SDK1: variants seen among roughly 807,000 people sequenced by gnomAD.
SDK1 encodes the protein protein sidekick-1.
A neutral mutation model predicts 245.5 loss-of-function variants in SDK1; 157 were observed. The ratio of observed to expected loss-of-function variants is 0.64; its 90% CI spans 0.56 to 0.73. SDK1 has a LOEUF of 0.73. Ranked by LOEUF, SDK1 falls within the 30% of genes least tolerant of loss-of-function variation. The pLI is 0.00. For missense variants in SDK1, 3,583 were observed against 3,002.3 expected (o/e 1.19, Z -4.52); for synonymous variants, 1,647 against 1,278.5 (o/e 1.29, Z -6.15).
At chr7:3,813,177 T>C (rs1196999831) in intron 4 of SDK1, among the ~76,000 whole-genome samples, 1 of 150,356 alleles carries the variant, frequency 6.7e-6, no homozygotes, top group African/African-American at 2.4e-5. Context: ...TAGTTACATA[T>C]GTATACATGT....
At chr7:3,781,643 T>C (rs1562439247) in intron 4 of SDK1, among the ~76,000 whole-genome samples, 1 of 152,076 alleles carries the variant, frequency 6.6e-6, no homozygotes, top group Non-Finnish European at 1.5e-5. Flanking sequence ...TTCAGTGAAC[T>C]ACAAGAATCT....
chr7:3,400,690 A>G (rs554086491), intron 1 of SDK1, among the ~76,000 whole-genome samples: 2 of 152,300 alleles, frequency 1.3e-5, no homozygotes, highest in South Asian at 4.1e-4. Context: ...ATGTGTCATA[A>G]TTAAGGTCCA....
At chr7:3,426,975 G>C (rs1219150008) in intron 1 of SDK1, among the ~76,000 whole-genome samples, 2 of 152,148 alleles carry the variant, frequency 1.3e-5, no homozygotes, top group African/African-American at 4.8e-5. Flanking sequence ...TCTCTCATCA[G>C]ATACTTTATG....
At chr7:4,220,884 C>T (rs1378124687) in intron 39 of SDK1, among the ~76,000 whole-genome samples, 1 of 133,612 alleles carries the variant, frequency 7.5e-6, no homozygotes, top group Non-Finnish European at 1.6e-5. Flanking sequence ...GCGATACCCC[C>T]ACCCCCCACC....
intron 1 of SDK1, among the ~76,000 whole-genome samples, chr7:3,394,389 T>C (rs1196122834): frequency 2.0e-5 from 3 of 152,186 alleles, no homozygotes; most frequent in African/African-American, 7.2e-5. Flanking sequence ...TTATGTGCCA[T>C]TGATCAATGA....
chr7:3,806,433 T>C (rs933747052), intron 4 of SDK1, among the ~76,000 whole-genome samples: 1 of 152,240 alleles, frequency 6.6e-6, no homozygotes, highest in Non-Finnish European at 1.5e-5. Context: ...AGAAGGCTCA[T>C]GTGACCCAAC....
intron 42 of SDK1, among the ~76,000 whole-genome samples, chr7:4,240,800 T>A (rs1481709248): frequency 6.6e-6 from 1 of 152,104 alleles, no homozygotes; most frequent in Admixed American, 6.5e-5. Context: ...TCAGGGCGTT[T>A]GAGCTGTGAT....
intron 1 of SDK1, among the ~76,000 whole-genome samples, chr7:3,407,036 A>G (rs887335093): frequency 6.6e-6 from 1 of 152,182 alleles, no homozygotes; most frequent in Admixed American, 6.5e-5. Flanking sequence ...GCTAGAGGAA[A>G]GGGCAGAGAT....
intron 40 of SDK1, among the ~76,000 whole-genome samples, chr7:4,223,582 G>T (rs963223641): frequency 5.9e-5 from 9 of 152,228 alleles, no homozygotes; most frequent in Non-Finnish European, 1.0e-4. Context: ...CTCCCTGTAT[G>T]TGTGTCTGCA....
At chr7:4,148,342 G>C (rs923419006) in intron 29 of SDK1, among the ~76,000 whole-genome samples, 1 of 152,280 alleles carries the variant, frequency 6.6e-6, no homozygotes, top group African/African-American at 2.4e-5. Context: ...TATTCCTTCC[G>C]CCGCGGAACT....
At chr7:3,705,581 A>C (rs917279548) in intron 4 of SDK1, among the ~76,000 whole-genome samples, 4 of 151,888 alleles carry the variant, frequency 2.6e-5, no homozygotes. Context: ...TAGCAATGCT[A>C]CTGATTGGTA....
At chr7:3,699,633 GAGATTTCTGGGACTACAATAAA>G in intron 4 of SDK1, among the ~76,000 whole-genome samples, 1 of 152,270 alleles carries the variant, frequency 6.6e-6, no homozygotes, top group South Asian at 2.1e-4. Flanking sequence ...CAGAGCCTCA[GAGATTTCTGGGACTACAATAAA>G]AGATTTCATG....
rs548904347 is a variant in SDK1, at chr7:4,252,128, ACATGTGC to A, written c.6381+6329_6381+6335del. 8.4e-3 allele frequency among the ~76,000 whole-genome samples: 1,283 copies of A among 152,218 alleles called. 14 individuals carry two copies. The highest frequency in any genetic ancestry group is 0.013 in the Non-Finnish European group (915 of 68,022). The stretch of plus-strand genomic sequence containing the variant: ...ACGTGCAGGTTTGTTACATATATAT[ACATGTGC>A]CATGTTGGTGTGCTGCACCCATTAA... On this transcript the variant is annotated intron_variant, in intron 44 of 44. Transcript: ENST00000404826.
At chr7:4,183,253 A>G (rs1240815377) in intron 35 of SDK1, among the ~76,000 whole-genome samples, 5 of 152,180 alleles carry the variant, frequency 3.3e-5, no homozygotes, top group Admixed American at 6.5e-5. Flanking sequence ...TAGTTTCTAT[A>G]ATAGTGATGT....
intron 1 of SDK1, among the ~76,000 whole-genome samples, chr7:3,553,685 T>A (rs1779489256): frequency 6.6e-6 from 1 of 152,170 alleles, no homozygotes; most frequent in Admixed American, 6.5e-5. Context: ...TGGGCTTCTG[T>A]GAAGCAATTG....
chr7:4,138,517 G>C (rs1272749125), intron 28 of SDK1, among the ~76,000 whole-genome samples: 1 of 152,046 alleles, frequency 6.6e-6, no homozygotes, highest in East Asian at 1.9e-4. Flanking sequence ...AGGCTGAGAA[G>C]GGTGGATCCA....
intron 9 of SDK1, 86 bp downstream of exon 9, chr7:3,962,937 G>C (rs1033765510): frequency 1.9e-6 from 1 of 517,230 alleles, no homozygotes; most frequent in African/African-American, 2.8e-5. Context: ...TGTAACCAGT[G>C]GGTACACCCA....
rs776052768 is a variant in SDK1, at chr7:4,011,068, C to T, written c.2234C>T (p.Ala745Val). ...CGTACCTATCAATTCCGGGTGTGCG[C>T]GGTGAATGAAGTGGGCAGGGGCCAG... The part of the protein sequence containing the change: ...PARTYQFRVC[A>V]VNEVGRGQYS... The change falls in exon 15 of 45, where the codon GCG (alanine) becomes GTG (valine). Residue 745 changes from alanine to valine, a missense_variant. Physicochemically the swap from Ala to Val is moderately conservative, Grantham distance 64. Transcript: ENST00000404826. 7.4e-6 allele frequency: 12 copies of T among 1,614,054 alleles called. No individual in the cohort carries two copies. The highest frequency in any genetic ancestry group is 1.1e-5 in the South Asian group (1 of 91,068).
At chr7:3,378,580 C>T (rs1303648979) in intron 1 of SDK1, among the ~76,000 whole-genome samples, 1 of 152,102 alleles carries the variant, frequency 6.6e-6, no homozygotes, top group Non-Finnish European at 1.5e-5. Context: ...AGCCTGCCCT[C>T]TTAACCTCTC....
Sources: allele counts gnomAD v4.1 joint callset (sites outside exome capture counted in the v4.1 genomes callset), GRCh38; gene constraint gnomAD v4.1.1; transcripts MANE v1.5; gene names NCBI Gene and HGNC (gene_info 2026-07-23, HGNC 2026-07-21).